Variants in CNTN5 observed in about 807,000 individuals in gnomAD.
The protein encoded by CNTN5 is contactin-5.
A neutral mutation model predicts 129.1 loss-of-function variants in CNTN5; 77 were observed. The observed-to-expected ratio is 0.60, with a 90% CI of 0.50 to 0.72. The LOEUF (loss-of-function observed/expected upper bound fraction) is 0.72, where lower values mean the gene tolerates loss of function less well. Ranked by LOEUF, CNTN5 falls within the 30% of genes least tolerant of loss-of-function variation. The pLI, the probability that CNTN5 is intolerant of heterozygous loss-of-function variation, is 0.00. For missense variants in CNTN5, 1,478 were observed against 1,328.8 expected (o/e 1.11, Z -1.75); for synonymous variants, 509 against 465.6 (o/e 1.09, Z -1.20).
chr11:100,171,605 G>A lies in CNTN5; in HGVS notation c.1581-19521G>A, dbSNP rs1003946536. 2.6e-5 allele frequency among the ~76,000 whole-genome samples: 4 copies of A among 152,068 alleles called. No individual in the cohort carries two copies. The South Asian group carries it at 6.2e-4, about 24-fold the overall frequency. ...TGTGTTTTTACTGAAAAAGTTATCA[G>A]TTTTGAACTATATCCAATTCTACAG... On this transcript the variant is annotated intron_variant, in intron 13 of 24. Coordinates refer to ENST00000524871, the MANE Select transcript of CNTN5 (RefSeq NM_014361.4).
chr11:99,144,954 G>A (rs1344374769), intron 1 of CNTN5, among the ~76,000 whole-genome samples: 6 of 151,854 alleles, frequency 4.0e-5, no homozygotes, highest in Admixed American at 6.6e-5. Context: ...TATTCCTTCA[G>A]AGGTGTCATG....
chr11:100,053,128 T>C (rs1943041715), intron 9 of CNTN5, among the ~76,000 whole-genome samples: 1 of 151,748 alleles, frequency 6.6e-6, no homozygotes, highest in Non-Finnish European at 1.5e-5. Flanking sequence ...TGTAAATCTA[T>C]GTATTTTCTA....
chr11:99,073,185 T>C (rs1865408042), intron 1 of CNTN5, among the ~76,000 whole-genome samples: 1 of 152,082 alleles, frequency 6.6e-6, no homozygotes, highest in Non-Finnish European at 1.5e-5. Context: ...TAAGCATTCT[T>C]GTAAATTTTT....
chr11:99,968,656 C>CTCTT (rs1951161575), intron 8 of CNTN5, among the ~76,000 whole-genome samples: 12 of 73,870 alleles, frequency 1.6e-4, no homozygotes, highest in African/African-American at 3.4e-4. Flanking sequence ...GCTTTGGGTA[C>CTCTT]TTTTTTTTTT....
intron 2 of CNTN5, among the ~76,000 whole-genome samples, chr11:99,486,928 T>G (rs1945841051): frequency 1.3e-5 from 2 of 152,208 alleles, no homozygotes; most frequent in African/African-American, 4.8e-5. Flanking sequence ...GTGAGCTATA[T>G]TATACAATCC....
chr11:99,255,512 C>G (rs1388878315), intron 1 of CNTN5, among the ~76,000 whole-genome samples: 1 of 150,612 alleles, frequency 6.6e-6, no homozygotes, highest in African/African-American at 2.5e-5. Context: ...TAAATAAATA[C>G]TTTAGAGTCA....
chr11:99,663,328 C>A (rs577049230), intron 3 of CNTN5, among the ~76,000 whole-genome samples: 1 of 151,968 alleles, frequency 6.6e-6, no homozygotes, highest in African/African-American at 2.4e-5. Context: ...AATAGCTGAG[C>A]GTGTTCATGG....
At chr11:99,814,188 C>A (rs1946513727) in intron 3 of CNTN5, among the ~76,000 whole-genome samples, 1 of 152,062 alleles carries the variant, frequency 6.6e-6, no homozygotes, top group African/African-American at 2.4e-5. Context: ...AGGGATTGGC[C>A]TTTAAGAGAT....
At chr11:99,671,556 G>A (rs1171867588) in intron 3 of CNTN5, among the ~76,000 whole-genome samples, 1 of 152,052 alleles carries the variant, frequency 6.6e-6, no homozygotes, top group African/African-American at 2.4e-5. Context: ...AGTTAATAAA[G>A]ATTTTTAAAG....
intron 3 of CNTN5, among the ~76,000 whole-genome samples, chr11:99,645,391 T>C (rs1272543533): frequency 6.6e-6 from 1 of 151,494 alleles, no homozygotes; most frequent in African/African-American, 2.4e-5. Context: ...TACCCAGTAA[T>C]GGGATTGCTG....
chr11:100,156,741 G>A (rs968412420), intron 13 of CNTN5, among the ~76,000 whole-genome samples: 1 of 151,848 alleles, frequency 6.6e-6, no homozygotes, highest in Non-Finnish European at 1.5e-5. Context: ...GCCCAGAAAT[G>A]TATCAATTTC....
chr11:100,209,915 T>G (rs757894615), intron 15 of CNTN5, among the ~76,000 whole-genome samples: 8 of 152,226 alleles, frequency 5.3e-5, no homozygotes, highest in African/African-American at 1.9e-4. Flanking sequence ...CTGACTTTGC[T>G]GCAGAGCTTA....
At chr11:99,785,689 G>C (rs939215989) in intron 3 of CNTN5, among the ~76,000 whole-genome samples, 1 of 152,064 alleles carries the variant, frequency 6.6e-6, no homozygotes, top group African/African-American at 2.4e-5. Context: ...TACAAGACTG[G>C]TTCAACATAT....
At chr11:99,719,760 G>GA (rs1252163350) in intron 3 of CNTN5, among the ~76,000 whole-genome samples, 2 of 151,402 alleles carry the variant, frequency 1.3e-5, no homozygotes, top group Middle Eastern at 3.4e-3. Context: ...GTTGTTTTTT[G>GA]AAAAAAATAA....
chr11:99,916,181 G>C lies in CNTN5; in HGVS notation c.673+32G>C, dbSNP rs761476934. On this transcript the variant is annotated intron_variant, in intron 7 of 24. Coordinates refer to ENST00000524871, the MANE Select transcript of CNTN5 (RefSeq NM_014361.4). The stretch of plus-strand genomic sequence containing the variant: ...TAGGATCTCATTCTTTGCTGCTGCT[G>C]CTGCTCTCTTTTGCTATGTGTTCAT... 2.6e-6 allele frequency: 4 copies of C among 1,539,562 alleles called. No individual in the cohort carries two copies. The South Asian group carries it at 4.6e-5, about 18-fold the overall frequency.
At chr11:99,317,894 G>C (rs1865410718) in intron 1 of CNTN5, among the ~76,000 whole-genome samples, 1 of 151,892 alleles carries the variant, frequency 6.6e-6, no homozygotes, top group Non-Finnish European at 1.5e-5. Context: ...TTTTACAAAA[G>C]AGTTTGTATT....
chr11:99,833,607 T>A (rs139562118), intron 4 of CNTN5, among the ~76,000 whole-genome samples: 1 of 152,294 alleles, frequency 6.6e-6, no homozygotes, highest in African/African-American at 2.4e-5. Flanking sequence ...AAATGCATTT[T>A]TGAATTATAA....
At chr11:99,594,053 T>C (rs1003937124) in intron 3 of CNTN5, among the ~76,000 whole-genome samples, 1 of 152,232 alleles carries the variant, frequency 6.6e-6, no homozygotes, top group Non-Finnish European at 1.5e-5. Context: ...ACATATCTGA[T>C]GATTACAATT....
chr11:100,225,159 A>G (rs1465530044), intron 16 of CNTN5: 2 of 156,404 alleles, frequency 1.3e-5, no homozygotes, highest in African/African-American at 4.8e-5. Flanking sequence ...TGTTTTGCAA[A>G]TGAAAAGCTA....
Sources: gnomAD v4.1 joint callset for allele counts (sites outside exome capture counted in the v4.1 genomes callset) on GRCh38, gnomAD v4.1.1 for gene constraint, MANE v1.5 for transcripts, NCBI Gene and HGNC (gene_info 2026-07-23, HGNC 2026-07-21) for gene names.